Variants in RBFOX3 observed in about 807,000 individuals in gnomAD.
RBFOX3 encodes the protein RNA binding fox-1 homolog 3.
Under a neutral mutation model 48.7 loss-of-function variants are expected in RBFOX3, and 17 were observed. That is an observed-to-expected ratio of 0.35 (90% CI 0.24 to 0.52). The LOEUF (loss-of-function observed/expected upper bound fraction) is 0.52. Among genes scored for constraint, RBFOX3 ranks in the 20% least tolerant of loss-of-function variants. RBFOX3 has a pLI of 0.94. For synonymous variants in RBFOX3, 212 were observed against 209.5 expected (o/e 1.01, Z -0.10); for missense variants, 382 against 497.5 (o/e 0.77, Z 2.21).
In RBFOX3 at chr17:79,111,596, C is replaced by G. The variant is rs1278499356; in HGVS notation, c.222+3898G>C. On this transcript the variant is annotated intron_variant, in intron 5 of 14. Transcript: ENST00000693108. This position sits in a 1 kb window ranked among gnomAD's most constrained non-coding sequence, Gnocchi z 4.2. ...GATTACAGGCACGAGCCACCATGCC[C>G]GATTAATTTTTGTATTTTTGTAGAG... Among the ~76,000 whole-genome samples, 1 of 152,194 alleles carries G rather than the reference C, an allele frequency of 6.6e-6. No homozygotes were observed. Among genetic ancestry groups the G allele is most frequent in the Non-Finnish European group, 1.5e-5 (1 of 68,030 alleles).
intron 2 of RBFOX3, among the ~76,000 whole-genome samples, chr17:79,389,213 C>T (rs1264964470): frequency 3.9e-5 from 6 of 152,210 alleles, no homozygotes; most frequent in Non-Finnish European, 7.3e-5. Context: ...ACCACCAAAC[C>T]TCGGGTCACT....
At chr17:79,574,886 G>T (rs1362546739) in intron 1 of RBFOX3, among the ~76,000 whole-genome samples, 2 of 152,202 alleles carry the variant, frequency 1.3e-5, no homozygotes, top group Non-Finnish European at 2.9e-5. Flanking sequence ...GCCACATGGG[G>T]ATCTCATTGA....
Position 79,392,035 on chromosome 17 carries a change from C to CA in RBFOX3, c.-174-84212dup, listed in dbSNP as rs1279715525. Reference sequence around the variant, plus strand: ...GTCAGGCTTTCTGCCGTCTTGGAAACAGACACCGACAAGCAACAGGGTTCC... The same window carrying CA: ...GTCAGGCTTTCTGCCGTCTTGGAAACAAGACACCGACAAGCAACAGGGTTCC... On this transcript the variant is annotated intron_variant, in intron 2 of 14. Transcript: ENST00000693108. The surrounding 1 kb of genome is among the most constrained non-coding windows in gnomAD (Gnocchi z 5.0). Among the ~76,000 whole-genome samples, 1 of 152,212 alleles carries CA rather than the reference C, an allele frequency of 6.6e-6. No homozygotes were observed. Among genetic ancestry groups the CA allele is most frequent in the Non-Finnish European group, 1.5e-5 (1 of 68,046 alleles).
intron 4 of RBFOX3, among the ~76,000 whole-genome samples, chr17:79,206,718 G>A (rs373030330): frequency 3.0e-4 from 46 of 152,258 alleles, no homozygotes; most frequent in South Asian, 6.2e-4. Flanking sequence ...TGAATGTGCC[G>A]GCCAGTTAAC....
At chr17:79,230,397 C>G (rs770884613) in intron 4 of RBFOX3, among the ~76,000 whole-genome samples, 1 of 152,054 alleles carries the variant, frequency 6.6e-6, no homozygotes, top group Non-Finnish European at 1.5e-5. Flanking sequence ...GTAGCTGGGA[C>G]TACAGTCACC....
intron 4 of RBFOX3, among the ~76,000 whole-genome samples, chr17:79,182,777 C>T (rs2146171710): frequency 6.6e-6 from 1 of 151,838 alleles, no homozygotes; most frequent in South Asian, 2.1e-4. Flanking sequence ...TCCCCCGCCT[C>T]CCCGGAGGCC....
intron 4 of RBFOX3, among the ~76,000 whole-genome samples, chr17:79,139,782 C>A (rs1210862754): frequency 6.6e-6 from 1 of 152,216 alleles, no homozygotes; most frequent in Non-Finnish European, 1.5e-5. Flanking sequence ...AGTGGCTGTG[C>A]CCAGGGCAGG....
intron 4 of RBFOX3, among the ~76,000 whole-genome samples, chr17:79,186,964 G>A (rs530487604): frequency 1.8e-3 from 275 of 152,358 alleles, no homozygotes; most frequent in African/African-American, 6.4e-3. Context: ...TTCCCTGAGC[G>A]TGCCTGCCTG....
chr17:79,507,954 G>T (rs1190003177), intron 1 of RBFOX3, among the ~76,000 whole-genome samples: 1 of 152,242 alleles, frequency 6.6e-6, no homozygotes, highest in Non-Finnish European at 1.5e-5. Flanking sequence ...TCCTTCACCA[G>T]ACAGCTTTTC....
chr17:79,148,996 C>A (rs1306421037), intron 4 of RBFOX3, among the ~76,000 whole-genome samples: 5 of 152,334 alleles, frequency 3.3e-5, no homozygotes, highest in Admixed American at 1.3e-4. Flanking sequence ...AACCATAAAA[C>A]CCTCATGCTG....
chr17:79,142,341 C>A (rs1599642430), intron 4 of RBFOX3, among the ~76,000 whole-genome samples: 1 of 152,166 alleles, frequency 6.6e-6, no homozygotes, highest in South Asian at 2.1e-4. Context: ...CAGGAGGGGT[C>A]TGAACATGGT....
chr17:79,192,877 C>T (rs1016392887), intron 4 of RBFOX3, among the ~76,000 whole-genome samples: 3 of 152,218 alleles, frequency 2.0e-5, no homozygotes, highest in African/African-American at 7.2e-5. Context: ...TGGGGCCCTG[C>T]ACACTCTCAC....
chr17:79,113,380 T>C (rs2032769866), intron 5 of RBFOX3, among the ~76,000 whole-genome samples: 2 of 152,094 alleles, frequency 1.3e-5, no homozygotes, highest in Admixed American at 1.3e-4. Flanking sequence ...GCCGATGCCG[T>C]AACTTCTGCC....
chr17:79,651,779 G>C, the RBFOX3 span, among the ~76,000 whole-genome samples: 2 of 121,988 alleles, frequency 1.6e-5, no homozygotes, highest in Non-Finnish European at 3.5e-5. Context: ...CCCTCTCCCT[G>C]TCCATCCTTC....
the RBFOX3 span, among the ~76,000 whole-genome samples, chr17:79,659,117 A>C: frequency 1.3e-5 from 2 of 152,152 alleles, no homozygotes; most frequent in African/African-American, 2.4e-5. Context: ...GTCACCGCAC[A>C]GGAACAGGGA....
At chr17:79,229,231 A>C (rs1420238761) in intron 4 of RBFOX3, among the ~76,000 whole-genome samples, 3 of 2,094 alleles carry the variant, frequency 1.4e-3, no homozygotes, top group East Asian at 6.6e-3. Context: ...AGACTCTGTC[A>C]AAAAAAAAAA....
intron 5 of RBFOX3, among the ~76,000 whole-genome samples, chr17:79,112,557 A>G (rs1011185858): frequency 5.9e-5 from 9 of 152,132 alleles, no homozygotes; most frequent in African/African-American, 1.7e-4. Flanking sequence ...GATGGGCTGC[A>G]GGGGCCACTG....
chr17:79,500,972 T>G (rs2082301843), intron 1 of RBFOX3, among the ~76,000 whole-genome samples: 1 of 152,148 alleles, frequency 6.6e-6, no homozygotes, highest in Admixed American at 6.5e-5. Flanking sequence ...GTGGGAAGTA[T>G]GAGAATTTGC....
rs1469626770 is a variant in RBFOX3 at position 79,105,925 on chromosome 17, C to G, written c.360+726G>C. On this transcript the variant is annotated intron_variant, in intron 6 of 14. Transcript: ENST00000693108. ...TCACCCACCACTCGGCAGCCCCAGC[C>G]CCCTGCAGGCATCAACACCTGCCTG... Among the ~76,000 whole-genome samples, 4 of 152,220 alleles carry G rather than the reference C, an allele frequency of 2.6e-5. No individual in the cohort carries two copies. In the East Asian group the frequency reaches 7.7e-4, roughly 29 times the overall value.
Sources: gnomAD v4.1 joint callset for allele counts (sites outside exome capture counted in the v4.1 genomes callset) on GRCh38, gnomAD v4.1.1 for gene constraint, Gnocchi (gnomAD v3.1) non-coding constraint, MANE v1.5 for transcripts, NCBI Gene and HGNC (gene_info 2026-07-23, HGNC 2026-07-21) for gene names.